Variants in ANO3 observed in about 807,000 individuals in gnomAD.
The protein encoded by ANO3 is anoctamin 3.
Under a neutral mutation model 144.8 loss-of-function variants are expected in ANO3, and 99 were observed. The observed-to-expected ratio is 0.68, with a 90% CI of 0.58 to 0.81. ANO3 has a LOEUF of 0.81. ANO3 is among the 30% of genes least tolerant of loss of function. The pLI, the probability that ANO3 is intolerant of heterozygous loss-of-function variation, is 0.00. For synonymous variants in ANO3, 414 were observed against 392.6 expected (o/e 1.05, Z -0.64); for missense variants, 905 against 1,202.2 (o/e 0.75, Z 3.66).
At chr11:26,618,411 C>G (rs1237659005) in intron 17 of ANO3, among the ~76,000 whole-genome samples, 2 of 152,096 alleles carry the variant, frequency 1.3e-5, no homozygotes, top group Non-Finnish European at 2.9e-5. Context: ...CTTAGTTCAA[C>G]TAGTTGTCAT....
At chr11:26,656,288 T>C in intron 25 of ANO3, 83 bp downstream of exon 25, 1 of 1,484,556 alleles carries the variant, frequency 6.7e-7, no homozygotes, top group Non-Finnish European at 9.4e-7. Flanking sequence ...ATTTAAACTG[T>C]TATTTTGGCA....
At chr11:26,243,267 C>T (rs1430245657) in intron 1 of ANO3, among the ~76,000 whole-genome samples, 1 of 151,976 alleles carries the variant, frequency 6.6e-6, no homozygotes, top group Non-Finnish European at 1.5e-5. Context: ...AATCAATTAT[C>T]TTTCTCTCTC....
intron 1 of ANO3, among the ~76,000 whole-genome samples, chr11:26,374,018 C>A (rs1160992377): frequency 6.6e-6 from 1 of 151,994 alleles, no homozygotes; most frequent in African/African-American, 2.4e-5. Flanking sequence ...CTTCCATGCC[C>A]ACCCCAGCAA....
intron 7 of ANO3, among the ~76,000 whole-genome samples, chr11:26,527,121 T>A (rs992185299): frequency 7.2e-5 from 11 of 152,094 alleles, no homozygotes; most frequent in African/African-American, 2.7e-4. Context: ...TTCTGTATAT[T>A]AAAATTGGAA....
chr11:26,283,425 G>A (rs925431727), intron 1 of ANO3, among the ~76,000 whole-genome samples: 2 of 142,756 alleles, frequency 1.4e-5, no homozygotes, highest in Non-Finnish European at 3.0e-5. Context: ...TGGGCTTTGG[G>A]TTTATTTGCT....
intron 1 of ANO3, among the ~76,000 whole-genome samples, chr11:26,348,878 A>G (rs76224535): frequency 0.027 from 4,102 of 152,310 alleles, 172 homozygotes; most frequent in African/African-American, 0.093. Flanking sequence ...TACACCAGGT[A>G]ATACAGTCAT....
At chr11:26,315,561 A>T (rs931296351) in intron 1 of ANO3, among the ~76,000 whole-genome samples, 2 of 152,164 alleles carry the variant, frequency 1.3e-5, no homozygotes, top group African/African-American at 4.8e-5. Flanking sequence ...GTTCAGTTCT[A>T]CTTGATCGTT....
At chr11:26,502,640 G>T (rs924394133) in intron 4 of ANO3, among the ~76,000 whole-genome samples, 1 of 151,922 alleles carries the variant, frequency 6.6e-6, no homozygotes, top group Non-Finnish European at 1.5e-5. Flanking sequence ...GCTTCTTCTG[G>T]ATACACTCTG....
chr11:26,416,709 G>A (rs1321187143), intron 1 of ANO3, among the ~76,000 whole-genome samples: 2 of 151,884 alleles, frequency 1.3e-5, no homozygotes, highest in Non-Finnish European at 2.9e-5. Flanking sequence ...TTTCTGAGTA[G>A]GGTCTTAGCC....
chr11:26,501,441 T>C lies in ANO3; in HGVS notation c.433-6663T>C, dbSNP rs1602940. Reference sequence around the variant, plus strand: ...ATACAAAAACTGTAGAGAAAAGGAGTACTGTGGGTGGGAGCAGATACTGGC... The same window carrying C: ...ATACAAAAACTGTAGAGAAAAGGAGCACTGTGGGTGGGAGCAGATACTGGC... On this transcript the variant is annotated intron_variant, in intron 4 of 26. Transcript: ENST00000256737. Among the ~76,000 whole-genome samples the C allele has an allele frequency of 4.6e-3, 698 of 152,192 alleles. 3 individuals carry two copies. Among genetic ancestry groups the C allele is most frequent in the African/African-American group, 0.016 (662 of 41,530 alleles).
At chr11:26,453,492 C>G (rs1376679610) in intron 3 of ANO3, among the ~76,000 whole-genome samples, 1 of 152,138 alleles carries the variant, frequency 6.6e-6, no homozygotes, top group Non-Finnish European at 1.5e-5. Context: ...AAGGCCATTA[C>G]ATAATGGTAA....
intron 1 of ANO3, among the ~76,000 whole-genome samples, chr11:26,384,785 A>C (rs984929296): frequency 3.3e-5 from 5 of 152,302 alleles, no homozygotes; most frequent in Admixed American, 2.0e-4. Context: ...TATCTTTTCT[A>C]AATTTAGTAG....
intron 14 of ANO3, among the ~76,000 whole-genome samples, chr11:26,570,823 T>G (rs1260273657): frequency 6.6e-6 from 1 of 152,064 alleles, no homozygotes; most frequent in Non-Finnish European, 1.5e-5. Flanking sequence ...ATTTTTAGTT[T>G]CCTAAATTCA....
intron 8 of ANO3, among the ~76,000 whole-genome samples, chr11:26,534,048 A>AG (rs2134189636): frequency 6.6e-6 from 1 of 152,314 alleles, no homozygotes; most frequent in Non-Finnish European, 1.5e-5. Context: ...TAGAGCATCA[A>AG]GGGAAAGGTA....
At chr11:26,305,845 G>A (rs573042006), upstream of ANO3, among the ~76,000 whole-genome samples, 1 of 152,200 alleles carries the variant, frequency 6.6e-6, no homozygotes, top group South Asian at 2.1e-4. Context: ...AATATATTTT[G>A]TTTCAAATAC....
intron 4 of ANO3, among the ~76,000 whole-genome samples, chr11:26,486,118 C>T (rs1210445459): frequency 6.6e-6 from 1 of 151,948 alleles, no homozygotes; most frequent in Non-Finnish European, 1.5e-5. Flanking sequence ...AATCACAGCA[C>T]TTTGGGAGGC....
upstream of ANO3, among the ~76,000 whole-genome samples, chr11:26,309,194 G>A (rs991265724): frequency 6.6e-6 from 1 of 152,186 alleles, no homozygotes; most frequent in Non-Finnish European, 1.5e-5. Flanking sequence ...TCTAGACACA[G>A]ACAACAGGCT....
chr11:26,257,068 A>T (rs1434079715), intron 1 of ANO3, among the ~76,000 whole-genome samples: 2 of 152,218 alleles, frequency 1.3e-5, no homozygotes, highest in African/African-American at 4.8e-5. Flanking sequence ...TATTTTACCT[A>T]AAAGGAATAT....
chr11:26,537,572 C>T, intron 10 of ANO3, 111 bp downstream of exon 10: 1 of 929,062 alleles, frequency 1.1e-6, no homozygotes, highest in South Asian at 1.3e-5. Flanking sequence ...ATTCAGTCTG[C>T]AAGTAGCCAT....
Sources: gnomAD v4.1 joint callset for allele counts (sites outside exome capture counted in the v4.1 genomes callset) on GRCh38, gnomAD v4.1.1 for gene constraint, MANE v1.5 for transcripts, NCBI Gene and HGNC (gene_info 2026-07-23, HGNC 2026-07-21) for gene names.